Variants in FUT8 observed in about 807,000 individuals in gnomAD.
FUT8 encodes fucosyltransferase 8.
Under a neutral mutation model 71.3 loss-of-function variants are expected in FUT8, and 29 were observed. The observed-to-expected ratio is 0.41, with a 90% CI of 0.30 to 0.55. The LOEUF (loss-of-function observed/expected upper bound fraction) is 0.55. Ranked by LOEUF, FUT8 falls within the 20% of genes least tolerant of loss-of-function variation. The pLI is 0.34. For missense variants in FUT8, 544 were observed against 702.1 expected (o/e 0.77, Z 2.55); for synonymous variants, 254 against 239.3 (o/e 1.06, Z -0.57).
chr14:65,491,560 A>G (rs2066482414), intron 2 of FUT8, among the ~76,000 whole-genome samples: 1 of 152,180 alleles, frequency 6.6e-6, no homozygotes, highest in African/African-American at 2.4e-5. Flanking sequence ...GAGAACTGAA[A>G]AGAATAATAA....
In FUT8 at chr14:65,483,183, C is replaced by T. The variant is rs1395762301; in HGVS notation, c.-228+27465C>T. ...TCCAGTAAGTTCTGCTGGTGCAGCA[C>T]TACAGCAACTTCCGTGCTATTCAGT... On this transcript the variant is annotated intron_variant, in intron 2 of 10. Coordinates refer to ENST00000673929, the MANE Select transcript of FUT8 (RefSeq NM_001371533.1). This position sits in a 1 kb window ranked among gnomAD's most constrained non-coding sequence, Gnocchi z 4.4. Among the ~76,000 whole-genome samples, 4 of 152,222 alleles carry T rather than the reference C, an allele frequency of 2.6e-5. No individual in the cohort carries two copies. The highest frequency in any genetic ancestry group is 5.9e-5 in the Non-Finnish European group (4 of 68,040).
intron 3 of FUT8, among the ~76,000 whole-genome samples, chr14:65,596,897 G>A (rs1005093247): frequency 6.6e-6 from 1 of 152,172 alleles, no homozygotes; most frequent in Non-Finnish European, 1.5e-5. Flanking sequence ...TAGCTCAGCA[G>A]CATAATTCGT....
At chr14:65,713,809 T>C (rs746902613) in intron 7 of FUT8, among the ~76,000 whole-genome samples, 16 of 152,210 alleles carry the variant, frequency 1.1e-4, no homozygotes, top group Non-Finnish European at 2.1e-4. Context: ...TTTGCAAATA[T>C]TTTCTCCCAT....
intron 2 of FUT8, among the ~76,000 whole-genome samples, chr14:65,501,260 C>T (rs560251949): frequency 3.9e-5 from 6 of 152,192 alleles, no homozygotes; most frequent in African/African-American, 1.4e-4. Context: ...AAATTTAATA[C>T]AGGGAAGGGA....
In FUT8 at chr14:65,434,549, T is replaced by C. The variant is rs1595370693; in HGVS notation, c.-325-21072T>C. Among the ~76,000 whole-genome samples the C allele has an allele frequency of 2.0e-5, 3 of 152,190 alleles. No homozygotes were observed. In the East Asian group the frequency reaches 5.8e-4, roughly 29 times the overall value. On this transcript the variant is annotated intron_variant, in intron 1 of 10. Coordinates refer to ENST00000673929, the MANE Select transcript of FUT8 (RefSeq NM_001371533.1). ...AGTAGCAAAAACAATGTAAAGCCAT[T>C]TCAGAGGCAGAAGAAAGAAAAGGCA...
chr14:65,673,612 G>T (rs1266666936), intron 7 of FUT8, among the ~76,000 whole-genome samples: 6 of 152,134 alleles, frequency 3.9e-5, no homozygotes, highest in African/African-American at 1.4e-4. Flanking sequence ...AAAAAGACAG[G>T]CAAGAGAACA....
At chr14:65,696,970 A>T (rs1037641930) in intron 7 of FUT8, among the ~76,000 whole-genome samples, 11 of 151,928 alleles carry the variant, frequency 7.2e-5, no homozygotes, top group Non-Finnish European at 1.6e-4. Flanking sequence ...CCATTTGTTT[A>T]TTATTAGGTT....
At chr14:65,733,856 A>G (rs1271808496) in intron 10 of FUT8, among the ~76,000 whole-genome samples, 1 of 152,158 alleles carries the variant, frequency 6.6e-6, no homozygotes, top group Non-Finnish European at 1.5e-5. Context: ...GTTCTATTAC[A>G]TTTCTACCAA....
chr14:65,386,134 A>G, the FUT8 span, among the ~76,000 whole-genome samples: 1 of 150,062 alleles, frequency 6.7e-6, no homozygotes, highest in East Asian at 2.2e-4. Context: ...CCTGGGTGAC[A>G]GAGTAAGACT....
intron 3 of FUT8, among the ~76,000 whole-genome samples, chr14:65,595,035 T>C (rs1254383362): frequency 6.6e-6 from 1 of 152,194 alleles, no homozygotes; most frequent in Non-Finnish European, 1.5e-5. Flanking sequence ...CCACTCGAAG[T>C]TGGGATTTTG....
intron 2 of FUT8, among the ~76,000 whole-genome samples, chr14:65,503,395 G>GA (rs1350458848): frequency 6.6e-6 from 1 of 152,152 alleles, no homozygotes; most frequent in Non-Finnish European, 1.5e-5. Context: ...ATTTCAAAAA[G>GA]TGTGTTTAGT....
chr14:65,591,134 A>G (rs1019796406), intron 3 of FUT8, among the ~76,000 whole-genome samples: 1 of 152,152 alleles, frequency 6.6e-6, no homozygotes, highest in Admixed American at 6.5e-5. Context: ...TTCCTCCTTC[A>G]CACAAAGAAT....
the FUT8 span, among the ~76,000 whole-genome samples, chr14:65,374,312 A>G: frequency 6.6e-6 from 1 of 152,188 alleles, no homozygotes; most frequent in Non-Finnish European, 1.5e-5. Flanking sequence ...TTATTGGTTT[A>G]TATACCTGGA....
chr14:65,463,685 C>T (rs994565716), intron 2 of FUT8, among the ~76,000 whole-genome samples: 9 of 152,028 alleles, frequency 5.9e-5, no homozygotes, highest in African/African-American at 2.2e-4. Context: ...TTCTTCATTC[C>T]TGGGGCCATG....
chr14:65,420,033 ATTATG>A lies in FUT8; in HGVS notation c.-326+6822_-326+6826del, dbSNP rs1475455891. Among the ~76,000 whole-genome samples the A allele has an allele frequency of 2.0e-5, 3 of 152,196 alleles. No individual in the cohort carries two copies. In the East Asian group the frequency reaches 5.8e-4, roughly 29 times the overall value. ...ATTTGTAAGTAAACAAACACACAATATTATGTTCTCAATGCTGAGTAAGCTGAAAA... is the reference window on the plus strand; with the variant it reads ...ATTTGTAAGTAAACAAACACACAATATTCTCAATGCTGAGTAAGCTGAAAA... On this transcript the variant is annotated intron_variant, in intron 1 of 10. Transcript: ENST00000673929.
the FUT8 span, among the ~76,000 whole-genome samples, chr14:65,381,707 A>G: frequency 2.0e-5 from 3 of 152,084 alleles, no homozygotes; most frequent in African/African-American, 7.2e-5. Flanking sequence ...TGACTACTAC[A>G]CTGATAATTT....
intron 2 of FUT8, among the ~76,000 whole-genome samples, chr14:65,539,836 AT>A (rs1884571429): frequency 1.3e-5 from 2 of 152,226 alleles, no homozygotes; most frequent in African/African-American, 4.8e-5. Context: ...TGGATCCAAT[AT>A]TTGTGGCAGA....
chr14:65,451,837 C>T (rs1246271163), intron 1 of FUT8, among the ~76,000 whole-genome samples: 3 of 152,150 alleles, frequency 2.0e-5, no homozygotes, highest in Non-Finnish European at 2.9e-5. Flanking sequence ...TAGCCATCGT[C>T]TTGTCTACCA....
intron 2 of FUT8, among the ~76,000 whole-genome samples, chr14:65,530,170 A>G (rs1883842956): frequency 6.6e-6 from 1 of 152,072 alleles, no homozygotes; most frequent in Non-Finnish European, 1.5e-5. Flanking sequence ...GCCTTTCTGT[A>G]TTATGACCTC....
Sources: allele counts gnomAD v4.1 joint callset (sites outside exome capture counted in the v4.1 genomes callset), GRCh38; gene constraint gnomAD v4.1.1; non-coding constraint Gnocchi (gnomAD v3.1); transcripts MANE v1.5; gene names NCBI Gene and HGNC (gene_info 2026-07-23, HGNC 2026-07-21).